TTC28: variants seen among roughly 807,000 people sequenced by gnomAD.
TTC28 encodes tetratricopeptide repeat protein 28.
In TTC28, 61 loss-of-function variants were observed where a neutral mutation model predicts 198.0. The ratio of observed to expected loss-of-function variants is 0.31; its 90% CI spans 0.25 to 0.38. The LOEUF is 0.38. Ranked by LOEUF, TTC28 falls within the 10% of genes least tolerant of loss-of-function variation. The pLI is 1.00. For missense variants in TTC28, 2,678 were observed against 3,164.0 expected, an observed-to-expected ratio of 0.85 and a Z score of 3.69; for synonymous variants, 1,171 against 1,297.8, an observed-to-expected ratio of 0.90 and a Z score of 2.10.
intron 2 of TTC28, among the ~76,000 whole-genome samples, chr22:28,374,194 G>A (rs2046377174): frequency 6.6e-6 from 1 of 152,158 alleles, no homozygotes; most frequent in South Asian, 2.1e-4. Context: ...AAATTACAAT[G>A]TCTCAAGAGT....
chr22:28,161,729 A>G (rs1181011792), intron 6 of TTC28, among the ~76,000 whole-genome samples: 1 of 117,946 alleles, frequency 8.5e-6, no homozygotes, highest in Non-Finnish European at 1.9e-5. Flanking sequence ...GAAAGAGGAC[A>G]GGACAGGACA....
intron 2 of TTC28, among the ~76,000 whole-genome samples, chr22:28,307,676 C>T (rs1331005908): frequency 6.6e-6 from 1 of 152,164 alleles, no homozygotes; most frequent in African/African-American, 2.4e-5. Context: ...TTAAATAATA[C>T]ATACAAATAA....
intron 12 of TTC28, among the ~76,000 whole-genome samples, chr22:28,062,570 C>T (rs1178886441): frequency 1.3e-5 from 2 of 151,934 alleles, no homozygotes; most frequent in Non-Finnish European, 2.9e-5. Context: ...CCTGGGCTCA[C>T]GTGATCCTCC....
chr22:27,981,222 C>T lies in TTC28; in HGVS notation c.*999G>A, dbSNP rs915425555. ...CGGGATTCTGGTTAAATCTAGTTAG[C>T]CATGGAAATTTTTTTTTTTTTTTTT... On this transcript the variant is annotated 3_prime_UTR_variant, in exon 23 of 23. Transcript: ENST00000397906. 8 of 121,710 alleles carry T rather than the reference C, an allele frequency of 6.6e-5. No individual in the cohort carries two copies. Among genetic ancestry groups the T allele is most frequent in the Non-Finnish European group, 1.1e-4 (7 of 61,538 alleles). 7.5% of individuals were successfully genotyped at this position (121,710 alleles called of 1,614,324 possible). A position where few individuals can be genotyped will look rare whatever the true frequency, so the allele number is the denominator to read the frequency against.
chr22:28,210,449 C>G (rs1926832367), intron 5 of TTC28, among the ~76,000 whole-genome samples: 1 of 152,024 alleles, frequency 6.6e-6, no homozygotes, highest in Non-Finnish European at 1.5e-5. Context: ...CTTAAATGAC[C>G]TGATGGAGCT....
At chr22:28,562,678 T>C (rs1463353260) in intron 2 of TTC28, among the ~76,000 whole-genome samples, 1 of 152,052 alleles carries the variant, frequency 6.6e-6, no homozygotes, top group Non-Finnish European at 1.5e-5. Flanking sequence ...ATAAAGAGAA[T>C]AGAAGGGCAG....
At chr22:28,531,776 C>T (rs896226491) in intron 2 of TTC28, among the ~76,000 whole-genome samples, 5 of 152,322 alleles carry the variant, frequency 3.3e-5, no homozygotes, top group Admixed American at 1.3e-4. Flanking sequence ...CACTCAACTA[C>T]ATGGAAACTG....
rs561110682 is a variant in TTC28, at chr22:28,478,872, A to C, written c.381+150680T>G. ...TTATCTAAAACAGACTCTCTCCCCA[A>C]GTCACTCTTCTACCACATCACCCTC... On this transcript the variant is annotated intron_variant, in intron 2 of 22. Transcript: ENST00000397906. Among the ~76,000 whole-genome samples, 6 of 152,262 alleles carry C rather than the reference A, an allele frequency of 3.9e-5. No homozygotes were observed. The South Asian group carries it at 1.2e-3, about 32-fold the overall frequency.
rs372002635 is a variant in TTC28, at chr22:28,650,888, A to T, written c.103-21058T>A. ...TTTAAAACTTAGGTCTTAGAATCTG[A>T]AACAACTTTTACAAGATCTAGAACA... On this transcript the variant is annotated intron_variant, in intron 1 of 22. Coordinates refer to ENST00000397906, the MANE Select transcript of TTC28 (RefSeq NM_001145418.2). Among the ~76,000 whole-genome samples, 16 of 152,342 alleles carry T rather than the reference A, an allele frequency of 1.1e-4. No individual in the cohort carries two copies. In the South Asian group the frequency reaches 3.1e-3, roughly 30 times the overall value.
chr22:27,989,597 C>A (rs1601485848), intron 21 of TTC28, among the ~76,000 whole-genome samples: 1 of 152,070 alleles, frequency 6.6e-6, no homozygotes, highest in Non-Finnish European at 1.5e-5. Flanking sequence ...CAGGCATGCA[C>A]CACCATGCCC....
intron 1 of TTC28, among the ~76,000 whole-genome samples, chr22:28,636,762 T>C (rs1261644721): frequency 6.6e-6 from 1 of 152,154 alleles, no homozygotes; most frequent in Non-Finnish European, 1.5e-5. Context: ...TCCTTATATA[T>C]TTTGGATATT....
chr22:28,148,218 A>G (rs918946116), intron 6 of TTC28, among the ~76,000 whole-genome samples: 2 of 152,200 alleles, frequency 1.3e-5, no homozygotes, highest in Admixed American at 1.3e-4. Context: ...TACTAACTGT[A>G]AGGAGTAAAA....
intron 1 of TTC28, among the ~76,000 whole-genome samples, chr22:28,652,867 T>C (rs2051585162): frequency 6.6e-6 from 1 of 152,188 alleles, no homozygotes; most frequent in Non-Finnish European, 1.5e-5. Context: ...CTGATCCCTA[T>C]TGTATAAATA....
At chr22:28,032,179 TATATATATAAA>T (rs1262125380) in intron 12 of TTC28, among the ~76,000 whole-genome samples, 44 of 76,370 alleles carry the variant, frequency 5.8e-4, no homozygotes, top group South Asian at 1.7e-3. Flanking sequence ...TATATATATA[TATATATATAAA>T]ATATATATAT....
chr22:28,001,559 G>C lies in TTC28; in HGVS notation c.4219-6C>G. ...CCGCTGGAGTGCATCAGGCCCTATG[G>C]AGCAAGCACGGAGAGGCTGACATGG... On this transcript the variant is annotated splice_region_variant and splice_polypyrimidine_tract_variant and intron_variant, in intron 14 of 22. Transcript: ENST00000397906. 1 of 1,547,150 alleles carries C rather than the reference G, an allele frequency of 6.5e-7. No homozygotes were observed. Among genetic ancestry groups the C allele is most frequent in the Non-Finnish European group, 8.7e-7 (1 of 1,144,022 alleles).
intron 12 of TTC28, among the ~76,000 whole-genome samples, chr22:28,084,207 T>C (rs1455406157): frequency 1.3e-5 from 2 of 152,230 alleles, no homozygotes; most frequent in Non-Finnish European, 2.9e-5. Flanking sequence ...AAGGGCAGAC[T>C]GCCTCCTCAA....
chr22:28,660,301 T>C (rs1488459720), intron 1 of TTC28, among the ~76,000 whole-genome samples: 1 of 152,178 alleles, frequency 6.6e-6, no homozygotes, highest in East Asian at 1.9e-4. Context: ...CTTTATCATT[T>C]CTTTCATCAG....
intron 2 of TTC28, among the ~76,000 whole-genome samples, chr22:28,551,561 G>A (rs1374598460): frequency 6.6e-6 from 1 of 152,056 alleles, no homozygotes; most frequent in Non-Finnish European, 1.5e-5. Context: ...CCAGGGATGA[G>A]GATGGTTTAA....
At chr22:28,088,752 G>A (rs1024528637) in intron 12 of TTC28, among the ~76,000 whole-genome samples, 3 of 152,062 alleles carry the variant, frequency 2.0e-5, no homozygotes, top group Non-Finnish European at 4.4e-5. Flanking sequence ...AAACATCTTC[G>A]CAACCTACTC....
Sources: allele counts gnomAD v4.1 joint callset (sites outside exome capture counted in the v4.1 genomes callset), GRCh38; gene constraint gnomAD v4.1.1; transcripts MANE v1.5; gene names NCBI Gene and HGNC (gene_info 2026-07-23, HGNC 2026-07-21).